The following SPRY3 variants were observed in gnomAD, a reference collection of about 807,000 sequenced individuals.
SPRY3 encodes the protein protein sprouty homolog 3.
Under a neutral mutation model 20.2 loss-of-function variants are expected in SPRY3, and 15 were observed. The ratio of observed to expected loss-of-function variants is 0.74; its 90% confidence interval spans 0.50 to 1.14. SPRY3 has a LOEUF of 1.14. Ranked by LOEUF, SPRY3 falls within the 50% of genes most tolerant of loss-of-function variation. The pLI, the probability that SPRY3 is intolerant of heterozygous loss-of-function variation, is 0.00. For synonymous variants in SPRY3, 143 were observed against 136.5 expected (o/e 1.05, Z -0.33); for missense variants, 364 against 363.9 (o/e 1.00, Z 0.00).
intron 2 of SPRY3, among the ~76,000 whole-genome samples, chrX:155,741,366 C>A (rs2091203628): frequency 6.6e-6 from 1 of 152,080 alleles, no homozygotes; most frequent in African/African-American, 2.4e-5. Context: ...AAAGACTGAA[C>A]CTATGACTGA....
intron 1 of SPRY3, among the ~76,000 whole-genome samples, chrX:155,629,007 T>C: frequency 9.0e-6 from 1 of 111,529 alleles, no homozygotes; most frequent in Non-Finnish European, 1.9e-5. Context: ...TTTTTGTTTT[T>C]TTGTTATTGT....
At chrX:155,616,134 T>TCTCTCTCTCTCTGTCTCTC (rs2067852475) in intron 1 of SPRY3, among the ~76,000 whole-genome samples, 1 of 58,433 alleles carries the variant, frequency 1.7e-5, no homozygotes, top group Admixed American at 2.3e-4. Context: ...CTCTCTCCTC[T>TCTCTCTCTCTCTGTCTCTC]CTCTCTCTCT....
chrX:155,767,023 A>G lies in SPRY3; in HGVS notation c.-281-939A>G, dbSNP rs141086165. 5.4e-3 allele frequency among the ~76,000 whole-genome samples: 827 copies of G among 152,236 alleles called. 5 individuals carry two copies. Among genetic ancestry groups the G allele is most frequent in the African/African-American group, 0.019 (797 of 41,536 alleles). On this transcript the variant is annotated intron_variant, in intron 2 of 3. Transcript: ENST00000675360. ...TAGATTGGTAGAAATGTGATTGGCA[A>G]AGATATTTAAATGAGACCTCCTTAA...
intron 2 of SPRY3, among the ~76,000 whole-genome samples, chrX:155,762,736 T>C (rs1273848537): frequency 6.6e-6 from 1 of 152,038 alleles, no homozygotes; most frequent in Non-Finnish European, 1.5e-5. Context: ...GATAAAAGAG[T>C]ATGCTTATAC....
intron 2 of SPRY3, among the ~76,000 whole-genome samples, chrX:155,663,554 T>C (rs1341160032): frequency 2.7e-5 from 3 of 111,377 alleles, no homozygotes; most frequent in African/African-American, 9.8e-5. Flanking sequence ...GGGGAAACAA[T>C]AGACAGTTTC....
At chrX:155,674,843 C>T (rs1479005814) in intron 2 of SPRY3, among the ~76,000 whole-genome samples, 1 of 111,525 alleles carries the variant, frequency 9.0e-6, no homozygotes, top group East Asian at 2.8e-4. Flanking sequence ...ATGTCCAACT[C>T]ATCAACAAAA....
chrX:155,744,232 A>G (rs1040948115), intron 2 of SPRY3, among the ~76,000 whole-genome samples: 5 of 152,074 alleles, frequency 3.3e-5, no homozygotes, highest in Admixed American at 6.6e-5. Context: ...ATCCTACAGT[A>G]GAAAGTCCAG....
chrX:155,715,429 T>C (rs1024873139), intron 2 of SPRY3, among the ~76,000 whole-genome samples: 30 of 152,176 alleles, frequency 2.0e-4, no homozygotes, highest in Non-Finnish European at 3.4e-4. Context: ...TATCTTGATG[T>C]AGCTGAGCTA....
intron 2 of SPRY3, among the ~76,000 whole-genome samples, chrX:155,727,235 A>T (rs1207942903): frequency 2.0e-5 from 3 of 151,626 alleles, no homozygotes; most frequent in African/African-American, 7.3e-5. Context: ...TGCCCTTAAC[A>T]TTTTTTCTTT....
At chrX:155,623,014 A>T (rs1177921351) in intron 1 of SPRY3, among the ~76,000 whole-genome samples, 1 of 111,969 alleles carries the variant, frequency 8.9e-6, no homozygotes, top group Non-Finnish European at 1.9e-5. Flanking sequence ...ATCCCCAGCT[A>T]GGCCAAACAG....
intron 2 of SPRY3, among the ~76,000 whole-genome samples, chrX:155,746,372 C>A (rs2091226203): frequency 6.6e-6 from 1 of 151,954 alleles, no homozygotes; most frequent in East Asian, 1.9e-4. Flanking sequence ...AGAGGAGAAC[C>A]TCATCAGCAA....
At chrX:155,646,128 G>C (rs1258928640) in intron 1 of SPRY3, among the ~76,000 whole-genome samples, 1 of 111,733 alleles carries the variant, frequency 8.9e-6, no homozygotes, top group Admixed American at 9.5e-5. Context: ...TTTATTTCTG[G>C]GCTTCTTATC....
chrX:155,703,593 G>GTT (rs1569379809), intron 2 of SPRY3, among the ~76,000 whole-genome samples: 1 of 125,114 alleles, frequency 8.0e-6, no homozygotes, highest in Non-Finnish European at 1.7e-5. Context: ...TTTTTTGAAG[G>GTT]GTTTTTTGTG....
chrX:155,769,446 A>G (rs1215479776), intron 3 of SPRY3, among the ~76,000 whole-genome samples: 2 of 152,154 alleles, frequency 1.3e-5, no homozygotes, highest in Non-Finnish European at 2.9e-5. Flanking sequence ...TGAGGACCAG[A>G]ACGGAGGTCA....
chrX:155,755,068 GCA>G (rs764248627), intron 2 of SPRY3, among the ~76,000 whole-genome samples: 8,415 of 143,758 alleles, frequency 0.059, 346 homozygotes, highest in African/African-American at 0.14. Context: ...ACACGTGCGT[GCA>G]CACACACACA....
downstream of SPRY3, chrX:155,781,716 T>A (rs1192242126): frequency 6.0e-6 from 1 of 167,044 alleles, no homozygotes; most frequent in African/African-American, 2.4e-5. Context: ...ATGTACAAGG[T>A]TCTATACAAA....
intron 1 of SPRY3, among the ~76,000 whole-genome samples, chrX:155,632,967 C>G (rs1288849035): frequency 1.8e-5 from 2 of 110,818 alleles, no homozygotes; most frequent in African/African-American, 6.6e-5. Context: ...GTTGGTATCC[C>G]TGAGTAGCAG....
At chrX:155,744,231 T>A (rs1381994024) in intron 2 of SPRY3, among the ~76,000 whole-genome samples, 1 of 151,974 alleles carries the variant, frequency 6.6e-6, no homozygotes, top group East Asian at 1.9e-4. Flanking sequence ...AATCCTACAG[T>A]AGAAAGTCCA....
At chrX:155,669,935 T>C (rs2068035246) in intron 2 of SPRY3, 1 of 111,083 alleles carries the variant, frequency 9.0e-6, no homozygotes, top group East Asian at 2.8e-4. Context: ...CCTTTGAAGT[T>C]TTAGGGCTGA....
Sources: gnomAD v4.1 joint callset for allele counts (sites outside exome capture counted in the v4.1 genomes callset) on GRCh38, gnomAD v4.1.1 for gene constraint, MANE v1.5 for transcripts, NCBI Gene and HGNC (gene_info 2026-07-23, HGNC 2026-07-21) for gene names.